The following DLGAP2 variants were observed in gnomAD, a reference collection of about 807,000 sequenced individuals.
DLGAP2 encodes the protein disks large-associated protein 2.
In DLGAP2, 26 loss-of-function variants were observed where a neutral mutation model predicts 100.3. That is an observed-to-expected ratio of 0.26 (90% confidence interval 0.19 to 0.36). The LOEUF (loss-of-function observed/expected upper bound fraction) is 0.36. Ranked by LOEUF, DLGAP2 falls within the 10% of genes least tolerant of loss-of-function variation. DLGAP2 has a pLI of 1.00. For synonymous variants in DLGAP2, 886 were observed against 630.1 expected (o/e 1.41, Z -6.08); for missense variants, 1,858 against 1,453.2 (o/e 1.28, Z -4.53).
At chr8:1,018,564 C>T (rs181995309) in intron 2 of DLGAP2, among the ~76,000 whole-genome samples, 1 of 152,330 alleles carries the variant, frequency 6.6e-6, no homozygotes, top group African/African-American at 2.4e-5. Context: ...CTGGCTCTGC[C>T]TGTGCTGGGC....
At chr8:950,478 C>T (rs1327870865) in intron 2 of DLGAP2, among the ~76,000 whole-genome samples, 2 of 152,158 alleles carry the variant, frequency 1.3e-5, no homozygotes, top group Non-Finnish European at 2.9e-5. Flanking sequence ...ATTTGGTATA[C>T]AGGTGAGAAA....
intron 2 of DLGAP2, among the ~76,000 whole-genome samples, chr8:971,449 G>A (rs1584935351): frequency 6.6e-6 from 1 of 152,292 alleles, no homozygotes; most frequent in South Asian, 2.1e-4. Flanking sequence ...ACCAGCAGAT[G>A]GATGCAGGAA....
At chr8:1,427,693 G>GT (rs1797275320) in intron 3 of DLGAP2, among the ~76,000 whole-genome samples, 1 of 152,166 alleles carries the variant, frequency 6.6e-6, no homozygotes, top group African/African-American at 2.4e-5. Flanking sequence ...AAAAATGGGA[G>GT]TTTCCCTGTA....
intron 6 of DLGAP2, among the ~76,000 whole-genome samples, chr8:1,592,640 T>A (rs1178381619): frequency 6.6e-6 from 1 of 152,172 alleles, no homozygotes; most frequent in African/African-American, 2.4e-5. Flanking sequence ...TTGAAAATTT[T>A]CCATTGGGAG....
intron 2 of DLGAP2, among the ~76,000 whole-genome samples, chr8:916,073 C>T (rs981551879): frequency 6.6e-6 from 1 of 151,866 alleles, no homozygotes; most frequent in Non-Finnish European, 1.5e-5. Context: ...CGTCAGTTCA[C>T]CCGTCCGTCC....
intron 2 of DLGAP2, among the ~76,000 whole-genome samples, chr8:1,256,837 G>A (rs1355263655): frequency 1.3e-5 from 2 of 152,174 alleles, no homozygotes; most frequent in African/African-American, 4.8e-5. Context: ...CCGAGTCTGA[G>A]CTGGCTGCCC....
At chr8:1,644,701 AC>A (rs1229306991) in intron 8 of DLGAP2, among the ~76,000 whole-genome samples, 1 of 152,222 alleles carries the variant, frequency 6.6e-6, no homozygotes, top group Non-Finnish European at 1.5e-5. Flanking sequence ...AGACATAAAA[AC>A]ATTAGATGCC....
intron 2 of DLGAP2, among the ~76,000 whole-genome samples, chr8:967,842 A>G (rs1447125399): frequency 1.1e-4 from 6 of 53,810 alleles, no homozygotes; most frequent in Admixed American, 1.7e-4. Context: ...ATATATATAT[A>G]TATATATATA....
rs1164217134 is a variant in DLGAP2 at position 737,834 on chromosome 8, C to G, written c.18+9C>G. The G allele has an allele frequency of 2.6e-6, 1 of 378,462 alleles. No homozygotes were observed. Among genetic ancestry groups the G allele is most frequent in the African/African-American group, 2.1e-5 (1 of 47,626 alleles). 23.4% of individuals were successfully genotyped at this position (378,462 alleles called of 1,614,324 possible). Reference sequence around the variant, plus strand: ...TGTCCGCGCTGAGGAAGGTGCGAGCCGCCGGGGGCTGCCGGGAGCCGGGCG... The same window carrying G: ...TGTCCGCGCTGAGGAAGGTGCGAGCGGCCGGGGGCTGCCGGGAGCCGGGCG... On this transcript the variant is annotated intron_variant, in intron 1 of 14. Transcript: ENST00000637795.
chr8:1,645,450 G>A (rs562548272), intron 8 of DLGAP2, among the ~76,000 whole-genome samples: 2 of 152,222 alleles, frequency 1.3e-5, no homozygotes, highest in African/African-American at 4.8e-5. Context: ...TGGGTTAAAT[G>A]TATTAAACGT....
chr8:1,505,964 A>C (rs1401344587), intron 4 of DLGAP2, among the ~76,000 whole-genome samples: 1 of 152,262 alleles, frequency 6.6e-6, no homozygotes, highest in Admixed American at 6.5e-5. Flanking sequence ...TAAATTATCA[A>C]AGTATATTAA....
chr8:828,543 C>T (rs1312304931), intron 1 of DLGAP2, among the ~76,000 whole-genome samples: 6 of 152,218 alleles, frequency 3.9e-5, no homozygotes, highest in Non-Finnish European at 7.3e-5. Context: ...AGGGTGCCCA[C>T]ATTTCATATT....
At chr8:1,248,333 G>C (rs1393700102) in intron 2 of DLGAP2, 1 of 102,906 alleles carries the variant, frequency 9.7e-6, no homozygotes, top group Non-Finnish European at 1.8e-5. Flanking sequence ...TGGCCGGGAA[G>C]ACCTTTGAGA....
At chr8:1,640,262 C>G (rs1317312702) in intron 8 of DLGAP2, among the ~76,000 whole-genome samples, 1 of 152,112 alleles carries the variant, frequency 6.6e-6, no homozygotes, top group Non-Finnish European at 1.5e-5. Flanking sequence ...TGTGTGCAGG[C>G]TCAGAGTTCA....
intron 12 of DLGAP2, among the ~76,000 whole-genome samples, chr8:1,681,228 G>A (rs904677698): frequency 6.6e-6 from 1 of 152,132 alleles, no homozygotes; most frequent in African/African-American, 2.4e-5. Flanking sequence ...CCATTACTGT[G>A]TTGATAACAC....
intron 1 of DLGAP2, among the ~76,000 whole-genome samples, chr8:880,057 T>C (rs1273790173): frequency 6.6e-6 from 1 of 152,186 alleles, no homozygotes; most frequent in Admixed American, 6.5e-5. Flanking sequence ...GTCCTGGCCT[T>C]CTTGTCCTGC....
intron 2 of DLGAP2, among the ~76,000 whole-genome samples, chr8:979,757 G>GT (rs1162009486): frequency 1.3e-5 from 2 of 152,228 alleles, no homozygotes; most frequent in East Asian, 3.8e-4. Flanking sequence ...CTTGCATGCA[G>GT]TTTTAAGGAA....
intron 1 of DLGAP2, among the ~76,000 whole-genome samples, chr8:853,309 G>A (rs577843950): frequency 3.3e-5 from 5 of 152,348 alleles, no homozygotes; most frequent in African/African-American, 1.2e-4. Flanking sequence ...CAGAGTCCCA[G>A]GAGGGGCTTG....
At chr8:1,429,857 A>G (rs73532666) in intron 3 of DLGAP2, among the ~76,000 whole-genome samples, 1 of 150,870 alleles carries the variant, frequency 6.6e-6, no homozygotes, top group Non-Finnish European at 1.5e-5. Context: ...GATTTGTCCA[A>G]GGTGATCTGG....
Sources: allele counts gnomAD v4.1 joint callset (sites outside exome capture counted in the v4.1 genomes callset), GRCh38; gene constraint gnomAD v4.1.1; transcripts MANE v1.5; gene names NCBI Gene and HGNC (gene_info 2026-07-23, HGNC 2026-07-21).